PDK3: variants seen among roughly 807,000 people sequenced by gnomAD.
The protein encoded by PDK3 is pyruvate dehydrogenase kinase, isozyme 3.
Under a neutral mutation model 32.0 loss-of-function variants are expected in PDK3, and 12 were observed. The ratio of observed to expected loss-of-function variants is 0.37; its 90% CI spans 0.24 to 0.61. The LOEUF (loss-of-function observed/expected upper bound fraction) is 0.61, where lower values mean the gene tolerates loss of function less well. Ranked by LOEUF, PDK3 falls within the 20% of genes least tolerant of loss-of-function variation. The pLI is 0.65. For missense variants in PDK3, 188 were observed against 316.9 expected (o/e 0.59, Z 3.09); for synonymous variants, 122 against 116.3 (o/e 1.05, Z -0.31).
chrX:24,473,503 C>T (rs1448126863), intron 1 of PDK3, among the ~76,000 whole-genome samples: 2 of 110,115 alleles, frequency 1.8e-5, no homozygotes, highest in African/African-American at 6.6e-5. Context: ...ACGGCTTGGT[C>T]TTGGCTCACT....
chrX:24,504,775 G>A (rs946081175), intron 4 of PDK3, among the ~76,000 whole-genome samples: 1 of 112,324 alleles, frequency 8.9e-6, no homozygotes, highest in Non-Finnish European at 1.9e-5. Flanking sequence ...CATCTGAAAT[G>A]CTGCCAGCGA....
Position 24,465,387 on chromosome X carries a change from C to A in PDK3, c.-69C>A, listed in dbSNP as rs1373730464. On this transcript the variant is annotated 5_prime_UTR_variant, in exon 1 of 11. Transcript: ENST00000379162. ...GCTTCGCAAACGTGCCCTATCCGTG[C>A]GGCTTGGCTGCGCCAGCCCTTGCGG... 10 of 822,408 alleles carry A rather than the reference C, an allele frequency of 1.2e-5. No homozygotes were observed. Among genetic ancestry groups the A allele is most frequent in the Non-Finnish European group, 1.6e-5 (9 of 574,894 alleles). The allele number at this position is 822,408 out of a possible 1,213,427, so 67.8% of individuals were successfully genotyped here.
chrX:24,546,986 A>G (rs1569230496), exon 12 of PDK3: 2 of 112,598 alleles, frequency 1.8e-5, no homozygotes, highest in Non-Finnish European at 3.8e-5. Flanking sequence ...TGCATCCTGT[A>G]TGTGCATTTT....
At chrX:24,487,068 C>T (rs1238941734) in intron 1 of PDK3, among the ~76,000 whole-genome samples, 1 of 112,451 alleles carries the variant, frequency 8.9e-6, no homozygotes, top group African/African-American at 3.2e-5. Flanking sequence ...GCTCTTAAGG[C>T]AGTGAGAAAC....
Position 24,496,568 on chromosome X carries a change from C to CTTTTTTTTTTTTTTTTTTTTTTTT in PDK3, c.248+1708_248+1709insTTTTTTTTTTTTTTTTTTTTTTTT, listed in dbSNP as rs763095558. On this transcript the variant is annotated intron_variant, in intron 2 of 10. Coordinates refer to ENST00000379162, the MANE Select transcript of PDK3 (RefSeq NM_005391.5). The stretch of plus-strand genomic sequence containing the variant: ...CTAATTGTCCTGATACTACCCCCAT[C>CTTTTTTTTTTTTTTTTTTTTTTTT]TTTTTTTTTTTTTTTTTTTTTTTGC... 1.1e-3 allele frequency among the ~76,000 whole-genome samples: 44 copies of CTTTTTTTTTTTTTTTTTTTTTTTT among 39,320 alleles called. 6 individuals are homozygous for CTTTTTTTTTTTTTTTTTTTTTTTT. Among genetic ancestry groups the CTTTTTTTTTTTTTTTTTTTTTTTT allele is most frequent in the Non-Finnish European group, 1.4e-3 (32 of 22,626 alleles). 34.1% of individuals were successfully genotyped at this position (39,320 alleles called of 115,157 possible).
At chrX:24,514,521 AT>A (rs1409522141) in intron 5 of PDK3, among the ~76,000 whole-genome samples, 1 of 112,245 alleles carries the variant, frequency 8.9e-6, no homozygotes, top group Non-Finnish European at 1.9e-5. Context: ...TTGATTTCTA[AT>A]TTAAAAAATA....
chrX:24,549,273 T>C (rs1391400906), exon 12 of PDK3: 3 of 110,889 alleles, frequency 2.7e-5, no homozygotes, highest in Non-Finnish European at 5.7e-5. Flanking sequence ...CCTGGGTAAC[T>C]CCTGGGGAAA....
intron 1 of PDK3, among the ~76,000 whole-genome samples, chrX:24,472,337 C>T (rs1443929444): frequency 8.9e-6 from 1 of 111,789 alleles, no homozygotes; most frequent in Non-Finnish European, 1.9e-5. Context: ...ATACTTGATG[C>T]AGTTAATTTT....
chrX:24,547,154 G>A (rs985842146), exon 12 of PDK3: 1 of 111,836 alleles, frequency 8.9e-6, no homozygotes, highest in African/African-American at 3.2e-5. Context: ...GAAAAGAAGC[G>A]GAGATTGATC....
chrX:24,531,725 G>A lies in PDK3; in HGVS notation c.1032G>A (p.Leu344=), dbSNP rs771390725. 8 of 1,193,352 alleles carry A rather than the reference G, an allele frequency of 6.7e-6. No homozygotes were observed. The highest frequency in any genetic ancestry group is 5.3e-5 in the South Asian group (3 of 56,346). ...GATATTTTCAAGGAGATCTGAAACT[G>A]TATTCCATGGAAGGAGTGGGTACTG... The part of the protein sequence containing the change: ...YARYFQGDLK[L]YSMEGVGTDA... Residue 344 remains leucine, a synonymous_variant, in exon 10 of 11, where the codon CTG becomes CTA. Transcript: ENST00000379162.
At chrX:24,486,242 G>A (rs1921396676) in intron 1 of PDK3, among the ~76,000 whole-genome samples, 1 of 111,302 alleles carries the variant, frequency 9.0e-6, no homozygotes, top group Admixed American at 9.6e-5. Context: ...CTGAAGTGGT[G>A]GAAGGATCCA....
intron 1 of PDK3, among the ~76,000 whole-genome samples, chrX:24,484,823 T>C (rs1602105205): frequency 9.1e-6 from 1 of 110,267 alleles, no homozygotes; most frequent in Admixed American, 9.7e-5. Context: ...GCTTTATTTT[T>C]CCCTCTCCAT....
intron 10 of PDK3, among the ~76,000 whole-genome samples, chrX:24,533,682 A>G (rs1922708897): frequency 8.9e-6 from 1 of 111,919 alleles, no homozygotes; most frequent in Admixed American, 9.5e-5. Context: ...GCTGAATTAA[A>G]ATATGTTTTG....
Position 24,503,311 on chromosome X carries a change from T to A in PDK3, c.321-16T>A. 1 of 1,181,133 alleles carries A rather than the reference T, an allele frequency of 8.5e-7. No individual in the cohort carries two copies. The highest frequency in any genetic ancestry group is 1.1e-6 in the Non-Finnish European group (1 of 876,866). The stretch of plus-strand genomic sequence containing the variant: ...AGATATTAAGACTGACCACGTTTTG[T>A]TTCCCTCTCACACAGCTTTCTACAA... On this transcript the variant is annotated splice_polypyrimidine_tract_variant and intron_variant, in intron 3 of 10. Coordinates refer to ENST00000379162, the MANE Select transcript of PDK3 (RefSeq NM_005391.5).
intron 1 of PDK3, among the ~76,000 whole-genome samples, chrX:24,479,264 A>C (rs1921189322): frequency 8.9e-6 from 1 of 112,417 alleles, no homozygotes; most frequent in African/African-American, 3.2e-5. Context: ...TGGTCATGTG[A>C]TGTGCTCATG....
chrX:24,481,777 C>T lies in PDK3; in HGVS notation c.107-12965C>T, dbSNP rs781572661. 3.6e-5 allele frequency among the ~76,000 whole-genome samples: 4 copies of T among 112,139 alleles called. No individual in the cohort carries two copies. The East Asian group carries it at 1.1e-3, about 31-fold the overall frequency. ...TGATTGTAAGTTTCCTGAGGCCTCCCTATCCATGTGGACTGTGAGTCAATT... is the reference window on the plus strand; with the variant it reads ...TGATTGTAAGTTTCCTGAGGCCTCCTTATCCATGTGGACTGTGAGTCAATT... On this transcript the variant is annotated intron_variant, in intron 1 of 10. Coordinates refer to ENST00000379162, the MANE Select transcript of PDK3 (RefSeq NM_005391.5).
chrX:24,484,465 G>T (rs757612895), intron 1 of PDK3, among the ~76,000 whole-genome samples: 1 of 112,697 alleles, frequency 8.9e-6, no homozygotes, highest in East Asian at 2.8e-4. Context: ...CAACTTCTGG[G>T]CCCACAGAGA....
intron 3 of PDK3, among the ~76,000 whole-genome samples, chrX:24,501,407 A>C (rs1253929944): frequency 8.9e-6 from 1 of 112,947 alleles, no homozygotes; most frequent in Admixed American, 9.3e-5. Flanking sequence ...AATGCTTTAA[A>C]GAACAGCTTT....
At chrX:24,524,694 A>T (rs750490505) in intron 6 of PDK3, among the ~76,000 whole-genome samples, 42 of 112,013 alleles carry the variant, frequency 3.7e-4, no homozygotes, top group African/African-American at 1.1e-3. Context: ...AATTTGGGTT[A>T]CAGAACAGAA....
Sources: gnomAD v4.1 joint callset for allele counts (sites outside exome capture counted in the v4.1 genomes callset) on GRCh38, gnomAD v4.1.1 for gene constraint, MANE v1.5 for transcripts, NCBI Gene and HGNC (gene_info 2026-07-23, HGNC 2026-07-21) for gene names.